The following PDE10A variants were observed in gnomAD, a reference collection of about 807,000 sequenced individuals.
PDE10A encodes the protein phosphodiesterase 10A.
PDE10A carries 39 observed loss-of-function variants against 97.7 expected under a neutral mutation model. That is an observed-to-expected ratio of 0.40 (90% CI 0.31 to 0.52). The LOEUF (loss-of-function observed/expected upper bound fraction) is 0.52. Among genes scored for constraint, PDE10A ranks in the 20% least tolerant of loss-of-function variants. The probability of loss-of-function intolerance (pLI) is 0.56; values close to 1 mark genes in which losing one functional copy is unlikely to be tolerated. For missense variants in PDE10A, 731 were observed against 1,047.8 expected (o/e 0.70, Z 4.17); for synonymous variants, 371 against 376.8 (o/e 0.98, Z 0.18).
At chr6:165,612,156 A>C (rs1018206014) in intron 1 of PDE10A, among the ~76,000 whole-genome samples, 1 of 152,248 alleles carries the variant, frequency 6.6e-6, no homozygotes, top group Admixed American at 6.5e-5. Flanking sequence ...CAAATGAGAT[A>C]TATATTGCTC....
chr6:165,593,009 T>C (rs908259730), intron 1 of PDE10A, among the ~76,000 whole-genome samples: 7 of 152,190 alleles, frequency 4.6e-5, no homozygotes, highest in African/African-American at 1.4e-4. Context: ...TGTATGTTTA[T>C]TGCGGCACTG....
intron 1 of PDE10A, among the ~76,000 whole-genome samples, chr6:165,653,195 A>G (rs1360847312): frequency 6.6e-6 from 1 of 152,222 alleles, no homozygotes; most frequent in African/African-American, 2.4e-5. Flanking sequence ...TCCCTCACTT[A>G]AGCACCTTCA....
rs532553485 is a variant in PDE10A, at chr6:165,477,647, T to C, written c.1023+4668A>G. ...TGACATTTCCACACTCAGCATTTCC[T>C]AGATGATAATTATTGTAAAGGGGGC... On this transcript the variant is annotated intron_variant, in intron 3 of 21. Transcript: ENST00000539869. Among the ~76,000 whole-genome samples the C allele has an allele frequency of 9.8e-5, 15 of 152,294 alleles. No individual in the cohort carries two copies. In the East Asian group the frequency reaches 2.3e-3, roughly 23 times the overall value.
intron 1 of PDE10A, among the ~76,000 whole-genome samples, chr6:165,859,263 G>A (rs768058805): frequency 1.1e-4 from 17 of 152,176 alleles, no homozygotes; most frequent in African/African-American, 1.7e-4. Flanking sequence ...ACTAGACAGC[G>A]CACCAGCACT....
chr6:165,448,851 G>T, intron 5 of PDE10A, 77 bp downstream of exon 5: 1 of 847,020 alleles, frequency 1.2e-6, no homozygotes, highest in South Asian at 1.6e-5. Context: ...ATGAAATGTC[G>T]GTTGTTTATA....
At chr6:165,538,561 C>T (rs940465772) in intron 2 of PDE10A, among the ~76,000 whole-genome samples, 3 of 152,032 alleles carry the variant, frequency 2.0e-5, no homozygotes, top group Non-Finnish European at 2.9e-5. Flanking sequence ...TATTCTACTA[C>T]AAAAAGATGC....
chr6:165,898,282 G>C (rs915900121), intron 1 of PDE10A, among the ~76,000 whole-genome samples: 1 of 152,148 alleles, frequency 6.6e-6, no homozygotes, highest in Non-Finnish European at 1.5e-5. Context: ...CCAGAGCTCT[G>C]CCTGAACCAG....
intron 3 of PDE10A, among the ~76,000 whole-genome samples, chr6:165,478,372 G>A (rs1030422840): frequency 5.9e-5 from 9 of 152,158 alleles, no homozygotes; most frequent in African/African-American, 2.2e-4. Flanking sequence ...GCATTCCAAA[G>A]TAGACCTGAA....
intron 2 of PDE10A, among the ~76,000 whole-genome samples, chr6:165,498,749 G>T: frequency 6.6e-6 from 1 of 152,120 alleles, no homozygotes; most frequent in East Asian, 1.9e-4. Context: ...AAGAATCTGG[G>T]TCATGTGCTG....
rs3008016 is a variant in PDE10A at position 165,616,418 on chromosome 6, C to A, written c.865+45529G>T. Among the ~76,000 whole-genome samples the A allele has an allele frequency of 5.3e-5, 8 of 150,996 alleles. No individual in the cohort carries two copies. In the South Asian group the frequency reaches 6.3e-4, roughly 12 times the overall value. ...TGGCAGGCAGTAGGAAAACACTTTT[C>A]AAAAAAAAATCCATGTTTTCCTTCA... On this transcript the variant is annotated intron_variant, in intron 1 of 21. Transcript: ENST00000539869.
intron 2 of PDE10A, among the ~76,000 whole-genome samples, chr6:165,493,151 G>T (rs930458332): frequency 3.3e-5 from 5 of 152,006 alleles, no homozygotes; most frequent in African/African-American, 1.2e-4. Flanking sequence ...CTGCTACACA[G>T]AAAACTAGAA....
intron 1 of PDE10A, among the ~76,000 whole-genome samples, chr6:165,735,708 A>G (rs1010089891): frequency 6.6e-6 from 1 of 152,086 alleles, no homozygotes; most frequent in African/African-American, 2.4e-5. Context: ...ATCTGATTGG[A>G]TGAGGCCCAC....
At position 165,619,585 on chromosome 6, in the gene PDE10A, T is replaced by C. The variant is rs541670168; in HGVS notation, c.865+42362A>G. Among the ~76,000 whole-genome samples, 4 of 152,166 alleles carry C rather than the reference T, an allele frequency of 2.6e-5. 1 individual carries two copies. The highest frequency in any genetic ancestry group is 9.7e-5 in the African/African-American group (4 of 41,432). On this transcript the variant is annotated intron_variant, in intron 1 of 21. Transcript: ENST00000539869. The stretch of plus-strand genomic sequence containing the variant: ...TAGTATACTGTAGTCTAGCGTAGTG[T>C]ACTGTAGTCTAGCGTAGTGCACTGT...
At chr6:165,773,187 C>T (rs139214282) in intron 1 of PDE10A, 125 of 152,290 alleles carry the variant, frequency 8.2e-4, no homozygotes, top group African/African-American at 2.9e-3. Flanking sequence ...ATAATCATTT[C>T]TTGTTCTTGT....
At chr6:165,549,781 CAT>C (rs1235359254) in intron 1 of PDE10A, among the ~76,000 whole-genome samples, 3 of 152,108 alleles carry the variant, frequency 2.0e-5, no homozygotes, top group African/African-American at 7.2e-5. Context: ...TCTGAAGTCT[CAT>C]CACCTTAATA....
intron 1 of PDE10A, among the ~76,000 whole-genome samples, chr6:165,973,159 C>A (rs1425937347): frequency 6.6e-6 from 1 of 152,220 alleles, no homozygotes. Flanking sequence ...TGGTTCATGC[C>A]TGTAATCCCA....
chr6:165,600,591 A>G (rs993936732), intron 1 of PDE10A, among the ~76,000 whole-genome samples: 2 of 151,774 alleles, frequency 1.3e-5, no homozygotes, highest in African/African-American at 2.4e-5. Context: ...TCTCCCTTTA[A>G]CCCCAGCAGC....
intron 1 of PDE10A, among the ~76,000 whole-genome samples, chr6:165,742,986 G>A (rs1280673116): frequency 1.3e-5 from 2 of 152,194 alleles, no homozygotes; most frequent in Admixed American, 6.5e-5. Context: ...AAAAGAAAAA[G>A]CACTGGCGCC....
chr6:165,573,275 G>C (rs1785137920), intron 1 of PDE10A, among the ~76,000 whole-genome samples: 2 of 39,532 alleles, frequency 5.1e-5, no homozygotes, highest in African/African-American at 8.0e-5. Flanking sequence ...CTGATGTCTG[G>C]GTTTTTTTTT....
Sources: allele counts gnomAD v4.1 joint callset (sites outside exome capture counted in the v4.1 genomes callset), GRCh38; gene constraint gnomAD v4.1.1; transcripts MANE v1.5; gene names NCBI Gene and HGNC (gene_info 2026-07-23, HGNC 2026-07-21).